Variants in KLF1 observed in about 807,000 individuals in gnomAD.
The protein encoded by KLF1 is KLF transcription factor 1.
KLF1 carries 29 observed loss-of-function variants against 28.0 expected under a neutral mutation model. That is an observed-to-expected ratio of 1.04 (90% CI 0.77 to 1.41). The LOEUF is 1.41. Ranked by LOEUF, KLF1 falls within the 40% of genes most tolerant of loss-of-function variation. The pLI, the probability that KLF1 is intolerant of heterozygous loss-of-function variation, is 0.00. For missense variants in KLF1, 508 were observed against 515.1 expected, an observed-to-expected ratio of 0.99 and a Z score of 0.13; for synonymous variants, 262 against 242.6, an observed-to-expected ratio of 1.08 and a Z score of -0.74.
Position 12,884,697 on chromosome 19 carries a change from C to T in KLF1, c.*188G>A, listed in dbSNP as rs1196283391. Reference sequence around the variant, plus strand: ...CTTGTCGGATTTTCCGTAAGAGGCTCCCCCAGGGCTGTCTATGGGTCCGTG... The same window carrying T: ...CTTGTCGGATTTTCCGTAAGAGGCTTCCCCAGGGCTGTCTATGGGTCCGTG... On this transcript the variant is annotated 3_prime_UTR_variant, in exon 3 of 3. Coordinates refer to ENST00000264834, the MANE Select transcript of KLF1 (RefSeq NM_006563.5). 3.1e-6 allele frequency: 2 copies of T among 642,726 alleles called. No individual in the cohort carries two copies. The highest frequency in any genetic ancestry group is 2.8e-5 in the East Asian group (1 of 36,354). The allele number at this position is 642,726 out of a possible 1,614,324, so 39.8% of individuals were successfully genotyped here. A position where few individuals can be genotyped will look rare whatever the true frequency, so the allele number is the denominator to read the frequency against.
chr19:12,886,608 CCT>C (rs1022845107), intron 1 of KLF1, among the ~76,000 whole-genome samples: 7 of 147,504 alleles, frequency 4.7e-5, no homozygotes, highest in African/African-American at 2.5e-5. Flanking sequence ...AGATCTCGTT[CCT>C]TTTTTTTTTT....
chr19:12,886,218 C>G (rs1339406971), intron 1 of KLF1, 76 bp from the exon 2 acceptor site: 3 of 1,098,490 alleles, frequency 2.7e-6, no homozygotes, highest in Non-Finnish European at 3.9e-6. Flanking sequence ...GGGCTGGACA[C>G]TCTGACGCAG....
chr19:12,884,910 G>A lies in KLF1; in HGVS notation c.1064C>T (p.Ala355Val), dbSNP rs1426821372. Residue 355 changes from alanine to valine, a missense_variant, in exon 3 of 3, where the codon GCC (alanine) becomes GTC (valine). Coordinates refer to ENST00000264834, the MANE Select transcript of KLF1 (RefSeq NM_006563.5). ...TCAAAGGTGGCGCTTCATGTGCAAG[G>A]CCAGGTGGTCAGAGCGCGAAAAAGC... Reference protein sequence around the residue: ...PRAFSRSDHLALHMKRHL With the variant: ...PRAFSRSDHLVLHMKRHL The A allele has an allele frequency of 2.4e-5, 38 of 1,613,938 alleles. No homozygotes were observed. The highest frequency in any genetic ancestry group is 3.2e-5 in the Non-Finnish European group (38 of 1,180,010).
chr19:12,884,752 C>T lies in KLF1; in HGVS notation c.*133G>A, dbSNP rs922186305. On this transcript the variant is annotated 3_prime_UTR_variant, in exon 3 of 3. Coordinates refer to ENST00000264834, the MANE Select transcript of KLF1 (RefSeq NM_006563.5). ...ATATTTGGGTGGATCTTTGGGAACGCGAGTCCAGGAGAGGGTCCATTCGTG... is the reference window on the plus strand; with the variant it reads ...ATATTTGGGTGGATCTTTGGGAACGTGAGTCCAGGAGAGGGTCCATTCGTG... The T allele has an allele frequency of 3.3e-5, 31 of 948,926 alleles. No homozygotes were observed. Among genetic ancestry groups the T allele is most frequent in the Middle Eastern group, 5.4e-4 (2 of 3,702 alleles). The allele number at this position is 948,926 out of a possible 1,614,324, so 58.8% of individuals were successfully genotyped here.
In KLF1 at chr19:12,885,100, G is replaced by T; in HGVS notation, c.914-40C>A. The T allele has an allele frequency of 6.3e-7, 1 of 1,595,654 alleles. No individual in the cohort carries two copies. The highest frequency in any genetic ancestry group is 8.5e-7 in the Non-Finnish European group (1 of 1,175,980). ...AGCCATAAGCGCCACTGTCTGCCCAGTCATGTCCCCGGGTCCCCTGCATCT... is the reference window on the plus strand; with the variant it reads ...AGCCATAAGCGCCACTGTCTGCCCATTCATGTCCCCGGGTCCCCTGCATCT... On this transcript the variant is annotated intron_variant, in intron 2 of 2. Coordinates refer to ENST00000264834, the MANE Select transcript of KLF1 (RefSeq NM_006563.5). This position sits in a 1 kb window ranked among gnomAD's most constrained non-coding sequence, Gnocchi z 5.6.
At position 12,887,093 on chromosome 19, in the gene KLF1, G is replaced by A. The variant is rs768170802; in HGVS notation, c.48C>T (p.Ala16=). 1.9e-6 allele frequency: 3 copies of A among 1,614,054 alleles called. No individual in the cohort carries two copies. Among genetic ancestry groups the A allele is most frequent in the Non-Finnish European group, 2.5e-6 (3 of 1,180,032 alleles). The change falls in exon 1 of 3, where the codon GCC becomes GCT. Residue 16 remains alanine, a synonymous_variant. Coordinates refer to ENST00000264834, the MANE Select transcript of KLF1 (RefSeq NM_006563.5). The surrounding 1 kb of genome is among the most constrained non-coding windows in gnomAD (Gnocchi z 4.7). ...TALPSISTLT[A]LGPFPDTQDD... is the part of the protein sequence containing the mutation. ...CCTGTGTGTCCGGGAAGGGGCCCAGGGCGGTCAGTGTGCTGATGGAGGGCA... is the reference window on the plus strand; with the variant it reads ...CCTGTGTGTCCGGGAAGGGGCCCAGAGCGGTCAGTGTGCTGATGGAGGGCA...
chr19:12,884,571 A>G lies in KLF1; in HGVS notation c.*314T>C. The G allele has an allele frequency of 2.3e-6, 1 of 427,898 alleles. No individual in the cohort carries two copies. Among genetic ancestry groups the G allele is most frequent in the South Asian group, 2.2e-5 (1 of 44,986 alleles). 26.5% of individuals were successfully genotyped at this position (427,898 alleles called of 1,614,324 possible). ...CTCCTGCTGTCCAGGGCCATCTGGGAGCTGGTCTGAGTGTCCACTGAGTCC... is the reference window on the plus strand; with the variant it reads ...CTCCTGCTGTCCAGGGCCATCTGGGGGCTGGTCTGAGTGTCCACTGAGTCC... On this transcript the variant is annotated 3_prime_UTR_variant, in exon 3 of 3. Coordinates refer to ENST00000264834, the MANE Select transcript of KLF1 (RefSeq NM_006563.5).
In KLF1 at chr19:12,886,099, G is replaced by A; in HGVS notation, c.131C>T (p.Pro44Leu). 8.1e-6 allele frequency: 13 copies of A among 1,606,658 alleles called. No homozygotes were observed. The highest frequency in any genetic ancestry group is 1.1e-5 in the Non-Finnish European group (13 of 1,178,550). The change falls in exon 2 of 3, where the codon CCT (proline) becomes CTT (leucine). Residue 44 changes from proline (P) to leucine (L), a missense_variant. Coordinates refer to ENST00000264834, the MANE Select transcript of KLF1 (RefSeq NM_006563.5). The part of the protein sequence containing the change: ...EEAQDMGPGP[P>L]DPTEPPLHVK... Reference sequence around the variant, plus strand: ...GTGGAGGGGCGGCTCCGTGGGGTCAGGAGGACCCGGGCCCATGTCCTGCGC... The same window carrying A: ...GTGGAGGGGCGGCTCCGTGGGGTCAAGAGGACCCGGGCCCATGTCCTGCGC...
chr19:12,885,868 C>T lies in KLF1; in HGVS notation c.362G>A (p.Gly121Glu), dbSNP rs1970438953. ...CGAACCCAAAAGCCCAGCCACCAGCCCCGGGCCGCCAGCATATGCGCCCAG... is the reference window on the plus strand; with the variant it reads ...CGAACCCAAAAGCCCAGCCACCAGCTCCGGGCCGCCAGCATATGCGCCCAG... ...ETLGAYAGGP[G>E]LVAGLLGSED... The change falls in exon 2 of 3, where the codon GGG becomes GAG. Residue 121 changes from glycine (G) to glutamate (E), a missense_variant. Coordinates refer to ENST00000264834, the MANE Select transcript of KLF1 (RefSeq NM_006563.5). This position sits in a 1 kb window ranked among gnomAD's most constrained non-coding sequence, Gnocchi z 5.6. 3.2e-6 allele frequency: 5 copies of T among 1,552,170 alleles called. No homozygotes were observed. In the South Asian group the frequency reaches 4.7e-5, roughly 15 times the overall value.
At position 12,887,021 on chromosome 19, in the gene KLF1, C is replaced by G; in HGVS notation, c.87+33G>C. On this transcript the variant is annotated intron_variant, in intron 1 of 2. Coordinates refer to ENST00000264834, the MANE Select transcript of KLF1 (RefSeq NM_006563.5). This position sits in a 1 kb window ranked among gnomAD's most constrained non-coding sequence, Gnocchi z 4.7. ...TGTGACTGTGGCCCTGGATTCCAGC[C>G]AGCCCACCTAGACCCCACCTTCTAG... 1 of 1,608,336 alleles carries G rather than the reference C, an allele frequency of 6.2e-7. No individual in the cohort carries two copies. The highest frequency in any genetic ancestry group is 8.5e-7 in the Non-Finnish European group (1 of 1,174,774).
Position 12,886,150 on chromosome 19 carries a change from AGGG to A in KLF1, c.88-11_88-9del, listed in dbSNP as rs1970446334. On this transcript the variant is annotated splice_polypyrimidine_tract_variant and intron_variant, in intron 1 of 2. Coordinates refer to ENST00000264834, the MANE Select transcript of KLF1 (RefSeq NM_006563.5). ...CTCTTCGGAGCGCCACCACTGCGGG[AGGG>A]AGCAGGCAGCTCGAGGTTCGGTGGA... The A allele has an allele frequency of 6.3e-7, 1 of 1,596,394 alleles. No individual in the cohort carries two copies. Among genetic ancestry groups the A allele is most frequent in the South Asian group, 1.1e-5 (1 of 90,162 alleles).
Position 12,885,068 on chromosome 19 carries a change from A to G in KLF1, c.914-8T>C. On this transcript the variant is annotated splice_polypyrimidine_tract_variant and splice_region_variant and intron_variant, in intron 2 of 2. Coordinates refer to ENST00000264834, the MANE Select transcript of KLF1 (RefSeq NM_006563.5). The surrounding 1 kb of genome is among the most constrained non-coding windows in gnomAD (Gnocchi z 5.6). ...AGGCGTATGGCTTCTCCCCTAGGGG[A>G]CAAGGAAGCCATAAGCGCCACTGTC... 6.2e-7 allele frequency: 1 copy of G among 1,602,128 alleles called. No homozygotes were observed. The highest frequency in any genetic ancestry group is 1.1e-5 in the South Asian group (1 of 91,016).
At chr19:12,886,311 C>T (rs1475377424) in intron 1 of KLF1, among the ~76,000 whole-genome samples, 169 bp from the exon 2 acceptor site, 2 of 142,540 alleles carry the variant, frequency 1.4e-5, no homozygotes, top group Non-Finnish European at 3.1e-5. Context: ...TCTCCCCGCT[C>T]CCCCCCCAGC....
chr19:12,886,053 G>C lies in KLF1; in HGVS notation c.177C>G (p.Pro59=). 6.2e-7 allele frequency: 1 copy of C among 1,610,630 alleles called. No individual in the cohort carries two copies. The highest frequency in any genetic ancestry group is 8.5e-7 in the Non-Finnish European group (1 of 1,179,258). The part of the protein sequence containing the change: ...PPLHVKSEDQ[P]GEEEDDERGA... ...CCCTCTCATCGTCCTCTTCCTCCCC[G>C]GGCTGGTCCTCAGACTTCACGTGGA... is the stretch of plus-strand genomic sequence containing the variant. The change falls in exon 2 of 3, where the codon CCC becomes CCG. Residue 59 remains proline, a synonymous_variant. Coordinates refer to ENST00000264834, the MANE Select transcript of KLF1 (RefSeq NM_006563.5).
In KLF1 at chr19:12,885,984, G is replaced by A; in HGVS notation, c.246C>T (p.Phe82=). ...GCGCGCCACCGGGCTCCGGGCCCGA[G>A]AAGTTGGTGAGGAGGAGATCCAGGT... ...TWDLDLLLTN[F]SGPEPGGAPQ... Residue 82 remains phenylalanine, a synonymous_variant, in exon 2 of 3, where the codon TTC becomes TTT. Coordinates refer to ENST00000264834, the MANE Select transcript of KLF1 (RefSeq NM_006563.5). This position sits in a 1 kb window ranked among gnomAD's most constrained non-coding sequence, Gnocchi z 5.6. 1 of 1,590,326 alleles carries A rather than the reference G, an allele frequency of 6.3e-7. No homozygotes were observed. The highest frequency in any genetic ancestry group is 1.1e-5 in the South Asian group (1 of 87,936).
chr19:12,885,611 A>G lies in KLF1; in HGVS notation c.619T>C (p.Tyr207His), dbSNP rs1970433024. 4 of 1,552,990 alleles carry G rather than the reference A, an allele frequency of 2.6e-6. No individual in the cohort carries two copies. The African/African-American group carries it at 4.1e-5, about 16-fold the overall frequency. ...YGLLSGYPAM[Y>H]PAPQYQGHFQ... ...TGCCCTTGGTACTGAGGCGCCGGGT[A>G]CATCGCGGGGTACCCGGACAGTAGC... The change falls in exon 2 of 3, where the codon TAC (tyrosine) becomes CAC (histidine). Residue 207 changes from tyrosine (Y) to histidine (H), a missense_variant. Transcript: ENST00000264834. This position sits in a 1 kb window ranked among gnomAD's most constrained non-coding sequence, Gnocchi z 5.6.
Position 12,885,935 on chromosome 19 carries a change from T to A in KLF1, c.295A>T (p.Ser99Cys). The A allele has an allele frequency of 6.4e-7, 1 of 1,557,990 alleles. No homozygotes were observed. The change falls in exon 2 of 3, where the codon AGC becomes TGC. Residue 99 changes from serine (S) to cysteine (C), a missense_variant. Physicochemically the swap from Ser to Cys is moderately radical, Grantham distance 112. Coordinates refer to ENST00000264834, the MANE Select transcript of KLF1 (RefSeq NM_006563.5). The surrounding 1 kb of genome is among the most constrained non-coding windows in gnomAD (Gnocchi z 5.6). ...GGATATTGCGCCCCGGAGGCCTCGCTGGGCGCCAGAGCGCAGGTCTGGGGC... is the reference window on the plus strand; with the variant it reads ...GGATATTGCGCCCCGGAGGCCTCGCAGGGCGCCAGAGCGCAGGTCTGGGGC... ...GAPQTCALAP[S>C]EASGAQYPPP... is the part of the protein sequence containing the mutation.
rs1970413450 is a variant in KLF1 at position 12,884,461 on chromosome 19, T to C, written c.*424A>G. 1 of 210,464 alleles carries C rather than the reference T, an allele frequency of 4.8e-6. No individual in the cohort carries two copies. The highest frequency in any genetic ancestry group is 9.9e-6 in the Non-Finnish European group (1 of 101,428). 13.0% of individuals were successfully genotyped at this position (210,464 alleles called of 1,614,324 possible). A position where few individuals can be genotyped will look rare whatever the true frequency, so the allele number is the denominator to read the frequency against. On this transcript the variant is annotated 3_prime_UTR_variant, in exon 3 of 3. Transcript: ENST00000264834. ...GCATTTTTATAGGACCCATAACCATTGACAGTTAATATCAGCCACAATAAG... is the reference window on the plus strand; with the variant it reads ...GCATTTTTATAGGACCCATAACCATCGACAGTTAATATCAGCCACAATAAG...
At position 12,885,506 on chromosome 19, in the gene KLF1, C is replaced by T. The variant is rs1329531051; in HGVS notation, c.724G>A (p.Gly242Arg). The part of the protein sequence containing the change: ...SPSFLSCLGP[G>R]TVGTGLGGTA... ...CCCCCGAGTCCAGTGCCCACCGTCC[C>T]GGGTCCCAAACAACTCAGGAAGGAG... Residue 242 changes from glycine to arginine, a missense_variant, in exon 2 of 3, where the codon GGG becomes AGG. Transcript: ENST00000264834. This position sits in a 1 kb window ranked among gnomAD's most constrained non-coding sequence, Gnocchi z 5.6. 1 of 1,596,330 alleles carries T rather than the reference C, an allele frequency of 6.3e-7. No individual in the cohort carries two copies. Among genetic ancestry groups the T allele is most frequent in the Non-Finnish European group, 8.5e-7 (1 of 1,172,236 alleles).
Sources: gnomAD v4.1 joint callset for allele counts (sites outside exome capture counted in the v4.1 genomes callset) on GRCh38, gnomAD v4.1.1 for gene constraint, Gnocchi (gnomAD v3.1) non-coding constraint, MANE v1.5 for transcripts, NCBI Gene and HGNC (gene_info 2026-07-23, HGNC 2026-07-21) for gene names.